CRADD: variants seen among roughly 807,000 people sequenced by gnomAD.
CRADD encodes the protein CARD and death domain containing adaptor protein.
Under a neutral mutation model 15.5 loss-of-function variants are expected in CRADD, and 9 were observed. The observed-to-expected ratio is 0.58, with a 90% CI of 0.35 to 1.01. The LOEUF is 1.01. Ranked by LOEUF, CRADD falls within the 50% of genes least tolerant of loss-of-function variation. The pLI is 0.02. For missense variants in CRADD, 227 were observed against 250.3 expected (o/e 0.91, Z 0.63); for synonymous variants, 118 against 107.6 (o/e 1.10, Z -0.60).
intron 2 of CRADD, among the ~76,000 whole-genome samples, chr12:93,843,600 G>A (rs1484038927): frequency 1.3e-5 from 2 of 151,882 alleles, no homozygotes; most frequent in Non-Finnish European, 2.9e-5. Flanking sequence ...GGCTGGTCTC[G>A]AACTCCTGAG....
In CRADD at chr12:93,806,659, G is replaced by A. The variant is rs185170021; in HGVS notation, c.299-43311G>A. On this transcript the variant is annotated intron_variant, in intron 2 of 2. Transcript: ENST00000332896. ...TTTAAAAACTGTGTACCATCTCACT[G>A]TTTAAATCTGACATCTAAATATTTC... 3.9e-5 allele frequency among the ~76,000 whole-genome samples: 6 copies of A among 152,030 alleles called. No individual in the cohort carries two copies. In the East Asian group the frequency reaches 1.2e-3, roughly 29 times the overall value.
intron 2 of CRADD, among the ~76,000 whole-genome samples, chr12:93,699,304 T>G (rs1955785042): frequency 6.6e-6 from 1 of 152,236 alleles, no homozygotes; most frequent in Non-Finnish European, 1.5e-5. Flanking sequence ...ATTGAAGCTT[T>G]TCTTTCATTT....
intron 2 of CRADD, among the ~76,000 whole-genome samples, chr12:93,775,722 G>T (rs921909074): frequency 6.6e-6 from 1 of 152,094 alleles, no homozygotes; most frequent in Non-Finnish European, 1.5e-5. Context: ...GATGCTTTCC[G>T]TTTGGAGGTT....
rs149142820 is a variant in CRADD, at chr12:93,706,850, C to T, written c.298+27778C>T. 2.2e-3 allele frequency among the ~76,000 whole-genome samples: 330 copies of T among 152,220 alleles called. 2 individuals are homozygous for T. The highest frequency in any genetic ancestry group is 7.6e-3 in the African/African-American group (316 of 41,528). The stretch of plus-strand genomic sequence containing the variant: ...TTTTTAACTTTATGATAGAATTGTG[C>T]ATTTCATTTCTGTTTTAAGTCCTAT... On this transcript the variant is annotated intron_variant, in intron 2 of 2. Transcript: ENST00000332896.
At chr12:93,886,200 T>C (rs1958536648) in intron 2 of CRADD, among the ~76,000 whole-genome samples, 1 of 146,736 alleles carries the variant, frequency 6.8e-6, no homozygotes, top group East Asian at 2.0e-4. Context: ...AATCTTGCTC[T>C]GTCACCCAGG....
At chr12:93,733,244 G>A (rs1956501070) in intron 2 of CRADD, among the ~76,000 whole-genome samples, 1 of 151,954 alleles carries the variant, frequency 6.6e-6, no homozygotes, top group African/African-American at 2.4e-5. Context: ...TTAAGAAATT[G>A]GGTACACATA....
chr12:93,711,055 C>CCCCCTTTTTTTTTTTT, intron 2 of CRADD, among the ~76,000 whole-genome samples: 2 of 43,508 alleles, frequency 4.6e-5, no homozygotes, highest in African/African-American at 8.5e-5. Context: ...CCACCCCCGC[C>CCCCCTTTTTTTTTTTT]TTTTTTTTTT....
chr12:93,803,354 A>C (rs1248288231), intron 2 of CRADD, among the ~76,000 whole-genome samples: 8 of 152,084 alleles, frequency 5.3e-5, no homozygotes. Context: ...GAGATTTGGA[A>C]GTTGGCAGAG....
At chr12:93,795,419 A>C (rs1396668878) in intron 2 of CRADD, among the ~76,000 whole-genome samples, 1 of 152,070 alleles carries the variant, frequency 6.6e-6, no homozygotes, top group Non-Finnish European at 1.5e-5. Context: ...TGTCATTTTC[A>C]AGTCACATTC....
chr12:93,759,580 G>A (rs1956927249), intron 2 of CRADD, among the ~76,000 whole-genome samples: 1 of 151,908 alleles, frequency 6.6e-6, no homozygotes, highest in African/African-American at 2.4e-5. Context: ...TTGCCCTCTG[G>A]GATCGTTTCC....
chr12:93,810,199 A>G (rs1276673950), intron 2 of CRADD, among the ~76,000 whole-genome samples: 5 of 152,106 alleles, frequency 3.3e-5, no homozygotes, highest in African/African-American at 1.2e-4. Flanking sequence ...TGACTAATGT[A>G]GCTGGAATTG....
At chr12:93,823,189 G>T (rs1025418658) in intron 2 of CRADD, among the ~76,000 whole-genome samples, 1 of 151,962 alleles carries the variant, frequency 6.6e-6, no homozygotes, top group Non-Finnish European at 1.5e-5. Context: ...CTACTCAGGA[G>T]GCTGAAACAG....
chr12:93,789,936 T>C (rs1957329799), intron 2 of CRADD, among the ~76,000 whole-genome samples: 1 of 152,198 alleles, frequency 6.6e-6, no homozygotes, highest in African/African-American at 2.4e-5. Flanking sequence ...TGGGTCCTCT[T>C]ATCTAAAATT....
chr12:93,803,071 AACTT>A (rs1207437923), intron 2 of CRADD, among the ~76,000 whole-genome samples: 1 of 152,218 alleles, frequency 6.6e-6, no homozygotes, highest in African/African-American at 2.4e-5. Context: ...ACAGAATACT[AACTT>A]CTGGGAGAAG....
intron 2 of CRADD, among the ~76,000 whole-genome samples, chr12:93,843,012 C>T (rs769875975): frequency 4.6e-5 from 7 of 152,192 alleles, no homozygotes; most frequent in Middle Eastern, 3.4e-3. Flanking sequence ...GTATGAGGGC[C>T]GTCTAAAAGG....
At chr12:93,692,375 C>T (rs939754492) in intron 2 of CRADD, among the ~76,000 whole-genome samples, 2 of 152,156 alleles carry the variant, frequency 1.3e-5, no homozygotes, top group Admixed American at 1.3e-4. Context: ...ACAGGAAGGT[C>T]AAAGTCTCTA....
At chr12:93,685,857 G>T (rs1360650715) in intron 2 of CRADD, among the ~76,000 whole-genome samples, 1 of 151,838 alleles carries the variant, frequency 6.6e-6, no homozygotes, top group Non-Finnish European at 1.5e-5. Context: ...GCCAGGCGTG[G>T]TGGCAGGCGC....
At chr12:93,879,654 C>T (rs1051080148) in intron 2 of CRADD, among the ~76,000 whole-genome samples, 1 of 152,210 alleles carries the variant, frequency 6.6e-6, no homozygotes, top group Non-Finnish European at 1.5e-5. Context: ...GCATTTCACA[C>T]CTGTCCCAGG....
chr12:93,784,947 A>T (rs1309271201), intron 2 of CRADD, among the ~76,000 whole-genome samples: 1 of 152,228 alleles, frequency 6.6e-6, no homozygotes, highest in Non-Finnish European at 1.5e-5. Context: ...GAGCCTGCTT[A>T]CTTTGAGATT....
Sources: gnomAD v4.1 joint callset for allele counts (sites outside exome capture counted in the v4.1 genomes callset) on GRCh38, gnomAD v4.1.1 for gene constraint, MANE v1.5 for transcripts, NCBI Gene and HGNC (gene_info 2026-07-23, HGNC 2026-07-21) for gene names.